The following CFAP43 variants were observed in gnomAD, a reference collection of about 807,000 sequenced individuals.
The protein encoded by CFAP43 is cilia- and flagella-associated protein 43.
CFAP43 carries 155 observed loss-of-function variants against 218.9 expected under a neutral mutation model. The ratio of observed to expected loss-of-function variants is 0.71; its 90% CI spans 0.62 to 0.81. The LOEUF (loss-of-function observed/expected upper bound fraction) is 0.81, where lower values mean the gene tolerates loss of function less well. Ranked by LOEUF, CFAP43 falls within the 30% of genes least tolerant of loss-of-function variation. CFAP43 has a pLI of 0.00. For missense variants in CFAP43, 1,778 were observed against 1,954.3 expected (o/e 0.91, Z 1.70); for synonymous variants, 645 against 681.3 (o/e 0.95, Z 0.83).
chr10:104,182,835 T>C (rs1253901007), intron 16 of CFAP43, among the ~76,000 whole-genome samples: 1 of 152,082 alleles, frequency 6.6e-6, no homozygotes, highest in Non-Finnish European at 1.5e-5. Context: ...CCTCAGCCTC[T>C]AGAGTAGCTG....
intron 6 of CFAP43, among the ~76,000 whole-genome samples, 164 bp downstream of exon 6, chr10:104,207,501 A>C (rs774151008): frequency 6.6e-6 from 1 of 152,148 alleles, no homozygotes; most frequent in Non-Finnish European, 1.5e-5. Flanking sequence ...GATTACATGA[A>C]ATATGCATAT....
At chr10:104,205,105 C>T (rs1426257098) in intron 7 of CFAP43, among the ~76,000 whole-genome samples, 2 of 146,772 alleles carry the variant, frequency 1.4e-5, no homozygotes, top group South Asian at 4.4e-4. Flanking sequence ...CCCAGCTACT[C>T]GGGAGGCTGA....
intron 2 of CFAP43, 61 bp downstream of exon 2, chr10:104,230,529 T>G: frequency 1.3e-6 from 2 of 1,541,052 alleles, no homozygotes; most frequent in Non-Finnish European, 1.8e-6. Context: ...TATAATAGAT[T>G]TAGTCAACTC....
intron 20 of CFAP43, 47 bp downstream of exon 20, chr10:104,172,363 C>A (rs770048838): frequency 2.5e-6 from 4 of 1,575,938 alleles, no homozygotes; most frequent in Non-Finnish European, 3.4e-6. Context: ...TATCTTTTTA[C>A]TTCTTTCATC....
intron 24 of CFAP43, among the ~76,000 whole-genome samples, chr10:104,163,343 CAG>C (rs1428892141): frequency 2.0e-5 from 3 of 152,194 alleles, no homozygotes; most frequent in Non-Finnish European, 2.9e-5. Context: ...CAATATCCAG[CAG>C]AGACTGTTAA....
intron 27 of CFAP43, among the ~76,000 whole-genome samples, chr10:104,157,121 T>C (rs2088590153): frequency 6.6e-6 from 1 of 152,236 alleles, no homozygotes; most frequent in African/African-American, 2.4e-5. Context: ...TTTTTGTTGT[T>C]GCTGCTGTTT....
chr10:104,169,440 GT>G (rs1488878824), intron 20 of CFAP43, among the ~76,000 whole-genome samples: 1 of 151,946 alleles, frequency 6.6e-6, no homozygotes, highest in Non-Finnish European at 1.5e-5. Flanking sequence ...TACAATCTGT[GT>G]TTTTTTCCAC....
At chr10:104,225,628 T>C in intron 2 of CFAP43, 71 bp from the exon 3 acceptor site, 1 of 1,219,140 alleles carries the variant, frequency 8.2e-7, no homozygotes. Context: ...GGTCTTACAG[T>C]TTATTTTCCT....
chr10:104,134,485 C>T (rs1376871651), intron 34 of CFAP43, among the ~76,000 whole-genome samples: 2 of 151,912 alleles, frequency 1.3e-5, no homozygotes, highest in Non-Finnish European at 2.9e-5. Context: ...AATTGACAAA[C>T]CTTTAGCTAG....
chr10:104,200,601 G>A (rs754610166), intron 8 of CFAP43, among the ~76,000 whole-genome samples: 1 of 150,314 alleles, frequency 6.7e-6, no homozygotes, highest in Non-Finnish European at 1.5e-5. Context: ...AACCTGGGAG[G>A]TGGAGGTTGC....
rs780370047 is a variant in CFAP43 at position 104,225,486 on chromosome 10, G to A, written c.391C>T (p.Leu131Phe). 3 of 1,612,462 alleles carry A rather than the reference G, an allele frequency of 1.9e-6. No individual in the cohort carries two copies. The highest frequency in any genetic ancestry group is 2.2e-5 in the East Asian group (1 of 44,774). ...CAAAGGGCCAGTTCAAATTCTGGGAGAGAGGAGTAACTAGCCAGGTAGGTG... is the reference window on the plus strand; with the variant it reads ...CAAAGGGCCAGTTCAAATTCTGGGAAAGAGGAGTAACTAGCCAGGTAGGTG... Reference protein sequence around the residue: ...CGTYLASYSSLPEFELALWNW... With the variant: ...CGTYLASYSSFPEFELALWNW... Residue 131 changes from leucine to phenylalanine, a missense_variant, in exon 3 of 38, where the codon CTC (leucine) becomes TTC (phenylalanine). Around this residue, in one of 3 missense-constraint regions of CFAP43, gnomAD observed 1,553 missense variants for 1,685.2 expected, o/e 0.92. Coordinates refer to ENST00000357060, the MANE Select transcript of CFAP43 (RefSeq NM_025145.7).
intron 17 of CFAP43, among the ~76,000 whole-genome samples, chr10:104,180,962 T>C (rs2089819786): frequency 6.6e-6 from 1 of 152,106 alleles, no homozygotes; most frequent in Non-Finnish European, 1.5e-5. Flanking sequence ...CCTTACCTAG[T>C]GTTATGGCTT....
At chr10:104,152,794 A>C in intron 27 of CFAP43, 68 bp from the exon 28 acceptor site, 1 of 1,533,698 alleles carries the variant, frequency 6.5e-7, no homozygotes, top group Non-Finnish European at 8.7e-7. Context: ...TGATGTTTAC[A>C]TTTCACCACA....
chr10:104,187,909 C>T (rs553403185), intron 13 of CFAP43, among the ~76,000 whole-genome samples: 3 of 152,246 alleles, frequency 2.0e-5, no homozygotes, highest in South Asian at 2.1e-4. Context: ...CCTTTTTATC[C>T]AGAAAACTGT....
intron 3 of CFAP43, chr10:104,218,690 A>G (rs2091090366): frequency 2.1e-6 from 1 of 484,856 alleles, no homozygotes; most frequent in African/African-American, 2.0e-5. Context: ...TCAGGCAATG[A>G]TCTCTTTCAT....
At position 104,207,797 on chromosome 10, in the gene CFAP43, G is replaced by A. The variant is rs777065695; in HGVS notation, c.763C>T (p.His255Tyr). The A allele has an allele frequency of 1.2e-6, 2 of 1,613,776 alleles. No homozygotes were observed. Among genetic ancestry groups the A allele is most frequent in the South Asian group, 1.1e-5 (1 of 90,972 alleles). Reference sequence around the variant, plus strand: ...GGAGTCCAGCAATGCATAGTCGGGTGAAGCAAAGGATATAGATCATCTTTC... The same window carrying A: ...GGAGTCCAGCAATGCATAGTCGGGTAAAGCAAAGGATATAGATCATCTTTC... Reference protein sequence around the residue: ...RPKDDLYPLLHPTMHCWTPTS... With the variant: ...RPKDDLYPLLYPTMHCWTPTS... The change falls in exon 6 of 38, where the codon CAC becomes TAC. Residue 255 changes from histidine (H) to tyrosine (Y), a missense_variant. Coordinates refer to ENST00000357060, the MANE Select transcript of CFAP43 (RefSeq NM_025145.7).
chr10:104,227,333 C>T (rs1199888578), intron 2 of CFAP43, among the ~76,000 whole-genome samples: 2 of 152,116 alleles, frequency 1.3e-5, no homozygotes, highest in African/African-American at 2.4e-5. Context: ...AGTGAGTATA[C>T]TGGGTCAAAT....
intron 13 of CFAP43, among the ~76,000 whole-genome samples, 166 bp from the exon 14 acceptor site, chr10:104,187,658 A>G (rs2090076030): frequency 1.3e-5 from 2 of 152,248 alleles, no homozygotes; most frequent in Non-Finnish European, 2.9e-5. Flanking sequence ...TCTCCCTAGA[A>G]ATACTTGAGT....
rs1285442494 is a variant in CFAP43 at position 104,179,822 on chromosome 10, C to A, written c.2382+18G>T. ...CTACAGAGCACTATTTCAAACCTACCCCATGTTTCACAAATACCTCTTGGC... is the reference window on the plus strand; with the variant it reads ...CTACAGAGCACTATTTCAAACCTACACCATGTTTCACAAATACCTCTTGGC... On this transcript the variant is annotated intron_variant, in intron 18 of 37. Transcript: ENST00000357060. The A allele has an allele frequency of 8.0e-5, 127 of 1,591,860 alleles. No homozygotes were observed. Among genetic ancestry groups the A allele is most frequent in the Non-Finnish European group, 1.1e-4 (124 of 1,161,220 alleles).
Sources: gnomAD v4.1 joint callset for allele counts (sites outside exome capture counted in the v4.1 genomes callset) on GRCh38, gnomAD v4.1.1 for gene constraint, gnomAD v4.1.1 regional missense constraint, MANE v1.5 for transcripts, NCBI Gene and HGNC (gene_info 2026-07-23, HGNC 2026-07-21) for gene names.